The following GBE1 variants were observed in gnomAD, a reference collection of about 807,000 sequenced individuals.
GBE1 encodes the protein 1,4-alpha-glucan-branching enzyme.
Under a neutral mutation model 88.8 loss-of-function variants are expected in GBE1, and 70 were observed. That is an observed-to-expected ratio of 0.79 (90% CI 0.65 to 0.96). The LOEUF is 0.96. GBE1 is among the 40% of genes least tolerant of loss of function. The pLI is 0.00. For synonymous variants in GBE1, 284 were observed against 300.1 expected, an observed-to-expected ratio of 0.95 and a Z score of 0.56; for missense variants, 872 against 871.0, an observed-to-expected ratio of 1.00 and a Z score of -0.01.
chr3:81,513,085 G>C (rs1702747292), intron 14 of GBE1, among the ~76,000 whole-genome samples: 1 of 151,530 alleles, frequency 6.6e-6, no homozygotes, highest in African/African-American at 2.4e-5. Flanking sequence ...CCACTGCTTG[G>C]TGAATAGGGC....
At chr3:81,552,520 TAAAAAAAAAAA>T (rs58899195) in intron 12 of GBE1, among the ~76,000 whole-genome samples, 1 of 55,826 alleles carries the variant, frequency 1.8e-5, no homozygotes, top group Admixed American at 2.5e-4. Flanking sequence ...CTATCTTATA[TAAAAAAAAAAA>T]AAAAAAAAAA....
intron 14 of GBE1, among the ~76,000 whole-genome samples, chr3:81,512,468 TATTACCCTGCAG>T (rs1396771031): frequency 6.6e-6 from 1 of 151,854 alleles, no homozygotes; most frequent in Non-Finnish European, 1.5e-5. Context: ...ACCAGGATGG[TATTACCCTGCAG>T]AAAAACATTT....
intron 12 of GBE1, among the ~76,000 whole-genome samples, chr3:81,571,988 A>G (rs1703581802): frequency 1.3e-5 from 2 of 152,172 alleles, no homozygotes; most frequent in Admixed American, 1.3e-4. Context: ...CTCATCTTGA[A>G]TTGTAATTCC....
At chr3:81,524,414 A>G (rs1214163439) in intron 14 of GBE1, among the ~76,000 whole-genome samples, 1 of 151,804 alleles carries the variant, frequency 6.6e-6, no homozygotes, top group East Asian at 1.9e-4. Flanking sequence ...CAGTTTGCAA[A>G]TATTTTTCCC....
intron 2 of GBE1, among the ~76,000 whole-genome samples, chr3:81,678,440 G>C (rs529732321): frequency 6.6e-6 from 1 of 152,214 alleles, no homozygotes; most frequent in South Asian, 2.1e-4. Flanking sequence ...TTAAATAAAA[G>C]TATGTGTCTT....
intron 9 of GBE1, among the ~76,000 whole-genome samples, chr3:81,588,276 C>G (rs1215756774): frequency 2.0e-5 from 3 of 151,994 alleles, no homozygotes. Flanking sequence ...TTCTATTTAT[C>G]AAAATATAAG....
At chr3:81,642,181 C>G (rs1433364155) in intron 7 of GBE1, among the ~76,000 whole-genome samples, 1 of 151,888 alleles carries the variant, frequency 6.6e-6, no homozygotes. Context: ...GGTTTCAACA[C>G]TAAGCCTTAG....
At chr3:81,644,863 T>G (rs1704742525) in intron 6 of GBE1, among the ~76,000 whole-genome samples, 1 of 152,094 alleles carries the variant, frequency 6.6e-6, no homozygotes, top group Non-Finnish European at 1.5e-5. Context: ...TATTTTGAAG[T>G]TACAGATGGC....
At chr3:81,722,159 A>G (rs1706043555) in intron 1 of GBE1, among the ~76,000 whole-genome samples, 1 of 152,196 alleles carries the variant, frequency 6.6e-6, no homozygotes, top group Non-Finnish European at 1.5e-5. Flanking sequence ...ATACTCATGT[A>G]TAATATTTTC....
chr3:81,506,391 A>G (rs1380049049), intron 14 of GBE1, among the ~76,000 whole-genome samples: 1 of 152,194 alleles, frequency 6.6e-6, no homozygotes, highest in Non-Finnish European at 1.5e-5. Flanking sequence ...ATTATTAAAA[A>G]GTCAAAAAAT....
At chr3:81,677,791 C>T (rs888635267) in intron 2 of GBE1, among the ~76,000 whole-genome samples, 1 of 152,080 alleles carries the variant, frequency 6.6e-6, no homozygotes, top group African/African-American at 2.4e-5. Context: ...CTGGGAAGGA[C>T]CTTAGTAAGA....
chr3:81,719,727 T>C (rs548189821), intron 1 of GBE1, among the ~76,000 whole-genome samples: 254 of 152,290 alleles, frequency 1.7e-3, no homozygotes, highest in African/African-American at 5.8e-3. Context: ...ATATCAGAGA[T>C]ATAAGAATTT....
intron 6 of GBE1, among the ~76,000 whole-genome samples, chr3:81,644,963 T>C (rs1413388301): frequency 1.3e-5 from 2 of 152,108 alleles, no homozygotes; most frequent in Admixed American, 6.6e-5. Flanking sequence ...AACTAGAAGA[T>C]GAAAATGTCA....
chr3:81,662,232 A>G (rs995645881), intron 3 of GBE1, among the ~76,000 whole-genome samples: 2 of 152,034 alleles, frequency 1.3e-5, no homozygotes, highest in African/African-American at 2.4e-5. Context: ...TGTTTTCTCT[A>G]TGTTGGTCAG....
rs141247585 is a variant in GBE1, at chr3:81,700,373, T to TA, written c.313+5070dup. On this transcript the variant is annotated intron_variant, in intron 2 of 15. Transcript: ENST00000429644. ...ATGGTTATGTACCAATTACCCTTCT[T>TA]AAAAAACTTTAATTTCACTATAGAC... Among the ~76,000 whole-genome samples, 971 of 152,232 alleles carry TA rather than the reference T, an allele frequency of 6.4e-3. 15 individuals carry two copies. Among genetic ancestry groups the TA allele is most frequent in the African/African-American group, 0.022 (900 of 41,538 alleles).
chr3:81,517,358 T>C (rs1345446764), intron 14 of GBE1, among the ~76,000 whole-genome samples: 3 of 151,532 alleles, frequency 2.0e-5, no homozygotes, highest in Non-Finnish European at 4.4e-5. Context: ...CATAAGGCTA[T>C]TGCACACTTA....
chr3:81,688,126 C>T (rs1705465581), intron 2 of GBE1, among the ~76,000 whole-genome samples: 1 of 152,212 alleles, frequency 6.6e-6, no homozygotes. Flanking sequence ...ACTATTGTTA[C>T]ACAAAGTATG....
chr3:81,728,788 C>A (rs575174561), intron 1 of GBE1, among the ~76,000 whole-genome samples: 2 of 152,256 alleles, frequency 1.3e-5, no homozygotes, highest in African/African-American at 4.8e-5. Flanking sequence ...ATCACTACTG[C>A]TGCCTTCTTA....
chr3:81,544,938 T>C (rs1307584186), intron 12 of GBE1, among the ~76,000 whole-genome samples: 1 of 152,190 alleles, frequency 6.6e-6, no homozygotes, highest in Non-Finnish European at 1.5e-5. Context: ...TAATTTTACC[T>C]AGGAATTAAT....
Sources: allele counts gnomAD v4.1 joint callset (sites outside exome capture counted in the v4.1 genomes callset), GRCh38; gene constraint gnomAD v4.1.1; transcripts MANE v1.5; gene names NCBI Gene and HGNC (gene_info 2026-07-23, HGNC 2026-07-21).